SNAPC1: variants seen among roughly 807,000 people sequenced by gnomAD.
The protein encoded by SNAPC1 is snRNA-activating protein complex subunit 1.
SNAPC1 carries 42 observed loss-of-function variants against 50.1 expected under a neutral mutation model. The observed-to-expected ratio is 0.84, with a 90% CI of 0.65 to 1.08. The LOEUF (loss-of-function observed/expected upper bound fraction) is 1.08, where lower values mean the gene tolerates loss of function less well. SNAPC1 is among the 50% of genes least tolerant of loss of function. The pLI is 0.00. For synonymous variants in SNAPC1, 164 were observed against 144.2 expected, an observed-to-expected ratio of 1.14 and a Z score of -0.98; for missense variants, 477 against 427.3, an observed-to-expected ratio of 1.12 and a Z score of -1.02.
At chr14:61,773,639 G>A (rs1357698076) in intron 4 of SNAPC1, among the ~76,000 whole-genome samples, 2 of 149,092 alleles carry the variant, frequency 1.3e-5, no homozygotes, top group Admixed American at 6.7e-5. Flanking sequence ...CTCATGATCC[G>A]CCCGCCTCGG....
In SNAPC1 at chr14:61,768,705, C is replaced by A. The variant is rs371903221; in HGVS notation, c.499C>A (p.Arg167Ser). The A allele has an allele frequency of 2.5e-6, 4 of 1,610,478 alleles. No homozygotes were observed. In the Admixed American group the frequency reaches 6.7e-5, roughly 27 times the overall value. Residue 167 changes from arginine (R) to serine (S), a missense_variant, in exon 4 of 10, where the codon CGT becomes AGT. Transcript: ENST00000216294. ...AGAAGAATTTAAGGACCCAAGTGAT[C>A]GTGTGATGAAACTTATCACTTCTGA... ...VTEEFKDPSDRVMKLITSDVL... is the reference protein window; with the variant it reads ...VTEEFKDPSDSVMKLITSDVL...
intron 4 of SNAPC1, among the ~76,000 whole-genome samples, chr14:61,775,259 T>C (rs1485741714): frequency 6.6e-6 from 1 of 152,124 alleles, no homozygotes; most frequent in South Asian, 2.1e-4. Flanking sequence ...TTCTTTCTTT[T>C]TTTTTTTTCT....
chr14:61,774,006 G>A (rs1391245452), intron 4 of SNAPC1, among the ~76,000 whole-genome samples: 1 of 152,064 alleles, frequency 6.6e-6, no homozygotes, highest in Non-Finnish European at 1.5e-5. Context: ...ATCGTGCACG[G>A]CCCCCAGTTT....
chr14:61,766,781 A>T, intron 1 of SNAPC1, 95 bp from the exon 2 acceptor site: 2 of 647,642 alleles, frequency 3.1e-6, no homozygotes, highest in Non-Finnish European at 5.2e-6. Flanking sequence ...TCCTCATCAA[A>T]TTATAACTAC....
intron 4 of SNAPC1, among the ~76,000 whole-genome samples, chr14:61,769,803 A>C (rs1018856936): frequency 6.6e-6 from 1 of 152,174 alleles, no homozygotes; most frequent in South Asian, 2.1e-4. Context: ...ATTGGGAAAA[A>C]TCTTATGCAT....
chr14:61,789,630 A>G (rs2045138648), intron 8 of SNAPC1, among the ~76,000 whole-genome samples: 1 of 152,152 alleles, frequency 6.6e-6, no homozygotes, highest in African/African-American at 2.4e-5. Context: ...AAAAAGGCAA[A>G]GTAGCTGGGA....
Position 61,767,011 on chromosome 14 carries a change from C to T in SNAPC1, c.264C>T (p.Thr88=). The T allele has an allele frequency of 1.3e-6, 2 of 1,583,978 alleles. No individual in the cohort carries two copies. Among genetic ancestry groups the T allele is most frequent in the African/African-American group, 2.7e-5 (2 of 74,508 alleles). The change falls in exon 2 of 10, where the codon ACC becomes ACT. Residue 88 remains threonine, a synonymous_variant. Coordinates refer to ENST00000216294, the MANE Select transcript of SNAPC1 (RefSeq NM_003082.4). Reference sequence around the variant, plus strand: ...ATCTGCTATATGGATTATATAATACCCAACTGTGTCAACCAAAACAAAAGG... The same window carrying T: ...ATCTGCTATATGGATTATATAATACTCAACTGTGTCAACCAAAACAAAAGG... ...ALYLLYGLYN[T]QLCQPKQKIR...
chr14:61,770,540 G>A (rs1003948322), intron 4 of SNAPC1, among the ~76,000 whole-genome samples: 2 of 151,996 alleles, frequency 1.3e-5, no homozygotes, highest in Non-Finnish European at 2.9e-5. Flanking sequence ...CACTGTGCCC[G>A]GTCGCCCCCA....
intron 9 of SNAPC1, among the ~76,000 whole-genome samples, chr14:61,793,661 CTTT>C (rs71117855): frequency 7.7e-6 from 1 of 130,596 alleles, no homozygotes; most frequent in Admixed American, 8.6e-5. Flanking sequence ...TTCTTTTTTT[CTTT>C]TTTTTTTTTT....
At chr14:61,763,022 C>CTTTTTTTTTTT (rs2044919477) in intron 1 of SNAPC1, among the ~76,000 whole-genome samples, 1 of 100,896 alleles carries the variant, frequency 9.9e-6, no homozygotes, top group African/African-American at 3.6e-5. Context: ...ACGGAGTCTC[C>CTTTTTTTTTTT]TTTTGTCGCC....
At chr14:61,776,756 G>C (rs1269223546) in intron 5 of SNAPC1, among the ~76,000 whole-genome samples, 3 of 152,242 alleles carry the variant, frequency 2.0e-5, no homozygotes, top group Non-Finnish European at 4.4e-5. Context: ...AGTGGGACCT[G>C]AGTGGGGGCT....
chr14:61,773,638 C>T (rs548368428), intron 4 of SNAPC1, among the ~76,000 whole-genome samples: 8 of 151,016 alleles, frequency 5.3e-5, no homozygotes, highest in Non-Finnish European at 8.9e-5. Flanking sequence ...CCTCATGATC[C>T]GCCCGCCTCG....
At chr14:61,791,709 C>T (rs932389914) in intron 8 of SNAPC1, among the ~76,000 whole-genome samples, 2 of 152,176 alleles carry the variant, frequency 1.3e-5, no homozygotes, top group South Asian at 2.1e-4. Context: ...ATTAGCTGAG[C>T]GTGATGGCAT....
intron 4 of SNAPC1, among the ~76,000 whole-genome samples, chr14:61,774,771 C>T (rs2045022604): frequency 6.9e-6 from 1 of 144,934 alleles, no homozygotes; most frequent in South Asian, 2.2e-4. Context: ...TCCAGTGATT[C>T]TCCTGCCTCA....
At chr14:61,787,322 A>G (rs888033470) in intron 8 of SNAPC1, among the ~76,000 whole-genome samples, 13 of 152,252 alleles carry the variant, frequency 8.5e-5, no homozygotes, top group Admixed American at 3.9e-4. Flanking sequence ...AACACGAACA[A>G]AAAGAGAGGA....
chr14:61,763,895 T>C (rs781396724), intron 1 of SNAPC1, among the ~76,000 whole-genome samples: 4 of 152,166 alleles, frequency 2.6e-5, no homozygotes, highest in Non-Finnish European at 5.9e-5. Flanking sequence ...TGAGCTGATA[T>C]ATCAGAAATA....
chr14:61,790,462 A>G (rs1370156479), intron 8 of SNAPC1, among the ~76,000 whole-genome samples: 1 of 151,920 alleles, frequency 6.6e-6, no homozygotes, highest in Non-Finnish European at 1.5e-5. Context: ...CAGCCTCCCC[A>G]CTAGCTGTGA....
At position 61,762,450 on chromosome 14, in the gene SNAPC1, C is replaced by T. The variant is rs202033947; in HGVS notation, c.-11C>T. ...CGTGCGGGCTTCGGAGGCGTGCGGG[C>T]TTCGGGTGCCATGGGGACTCCTCCC... On this transcript the variant is annotated 5_prime_UTR_variant, in exon 1 of 10. Transcript: ENST00000216294. 69 of 1,611,798 alleles carry T rather than the reference C, an allele frequency of 4.3e-5. No individual in the cohort carries two copies. The Middle Eastern group carries it at 5.0e-4, about 12-fold the overall frequency.
At chr14:61,769,901 A>G (rs2044975562) in intron 4 of SNAPC1, among the ~76,000 whole-genome samples, 1 of 152,228 alleles carries the variant, frequency 6.6e-6, no homozygotes, top group Non-Finnish European at 1.5e-5. Flanking sequence ...GGGTTACAGT[A>G]TTCCAAATCA....
Sources: gnomAD v4.1 joint callset for allele counts (sites outside exome capture counted in the v4.1 genomes callset) on GRCh38, gnomAD v4.1.1 for gene constraint, MANE v1.5 for transcripts, NCBI Gene and HGNC (gene_info 2026-07-23, HGNC 2026-07-21) for gene names.